Variants in IFNGR2 observed in about 807,000 individuals in gnomAD.
The protein encoded by IFNGR2 is interferon gamma receptor 2, also known as IFN-gamma receptor 2.
A neutral mutation model predicts 41.1 loss-of-function variants in IFNGR2; 15 were observed. The observed-to-expected ratio is 0.37, with a 90% CI of 0.24 to 0.56. The LOEUF is 0.56. Ranked by LOEUF, IFNGR2 falls within the 20% of genes least tolerant of loss-of-function variation. The pLI is 0.81. For missense variants in IFNGR2, 362 were observed against 415.7 expected, an observed-to-expected ratio of 0.87 and a Z score of 1.12; for synonymous variants, 161 against 171.6, an observed-to-expected ratio of 0.94 and a Z score of 0.48.
chr21:33,409,242 G>A (rs1487194958), intron 1 of IFNGR2, among the ~76,000 whole-genome samples: 1 of 152,048 alleles, frequency 6.6e-6, no homozygotes, highest in Non-Finnish European at 1.5e-5. Flanking sequence ...GCCAAGGCAG[G>A]CAGATCAGGA....
At chr21:33,411,358 C>G (rs1398212453) in intron 1 of IFNGR2, 1 of 449,574 alleles carries the variant, frequency 2.2e-6, no homozygotes, top group African/African-American at 2.0e-5. Flanking sequence ...TGCTTCCTTT[C>G]TGAACTGAAT....
At chr21:33,419,044 C>T (rs1254595980) in intron 2 of IFNGR2, among the ~76,000 whole-genome samples, 3 of 152,236 alleles carry the variant, frequency 2.0e-5, no homozygotes, top group East Asian at 3.9e-4. Context: ...AATAAAATAA[C>T]CTGTTGTTCT....
At chr21:33,429,511 G>A (rs533655182) in intron 4 of IFNGR2, among the ~76,000 whole-genome samples, 14 of 152,260 alleles carry the variant, frequency 9.2e-5, no homozygotes, top group African/African-American at 3.4e-4. Context: ...ATCGGCAAAG[G>A]GAAGAGGCAC....
chr21:33,432,622 A>C (rs1178403531), intron 5 of IFNGR2, 92 bp from the exon 6 acceptor site: 2 of 1,398,914 alleles, frequency 1.4e-6, no homozygotes, highest in African/African-American at 2.8e-5. Context: ...CTAGGACAGG[A>C]ATGCTCTTTA....
Position 33,421,531 on chromosome 21 carries a change from T to C in IFNGR2, c.258T>C (p.Cys86=). 1 of 1,614,124 alleles carries C rather than the reference T, an allele frequency of 6.2e-7. No individual in the cohort carries two copies. Among genetic ancestry groups the C allele is most frequent in the Non-Finnish European group, 8.5e-7 (1 of 1,180,014 alleles). ...ACATCATGTCCATAGGGGTGAATTG[T>C]ACACAGATCACAGCAACAGAGTGTG... is the stretch of plus-strand genomic sequence containing the variant. ...TADIMSIGVN[C]TQITATECDF... is the part of the protein sequence containing the mutation. The change falls in exon 3 of 7, where the codon TGT becomes TGC. Residue 86 remains cysteine (C), a synonymous_variant. Transcript: ENST00000290219.
chr21:33,420,080 A>G (rs566802355), intron 2 of IFNGR2, among the ~76,000 whole-genome samples: 36 of 152,294 alleles, frequency 2.4e-4, no homozygotes, highest in South Asian at 8.3e-4. Flanking sequence ...AGTAGTAGGT[A>G]TCTATGGCGG....
At chr21:33,413,392 A>C (rs1291441876) in intron 1 of IFNGR2, among the ~76,000 whole-genome samples, 1 of 152,170 alleles carries the variant, frequency 6.6e-6, no homozygotes, top group Non-Finnish European at 1.5e-5. Flanking sequence ...TCCTATAACT[A>C]AACAAATGGC....
At chr21:33,430,603 C>T (rs1411993171) in intron 4 of IFNGR2, among the ~76,000 whole-genome samples, 2 of 152,038 alleles carry the variant, frequency 1.3e-5, no homozygotes, top group Non-Finnish European at 2.9e-5. Flanking sequence ...ACCACCATGA[C>T]CAGCTTATTT....
At chr21:33,419,386 G>A (rs2083774887) in intron 2 of IFNGR2, among the ~76,000 whole-genome samples, 1 of 152,152 alleles carries the variant, frequency 6.6e-6, no homozygotes, top group Admixed American at 6.6e-5. Flanking sequence ...GGGATTACAG[G>A]TGTGAGCCAC....
At chr21:33,427,178 AT>A in intron 4 of IFNGR2, 146 bp downstream of exon 4, 1 of 773,580 alleles carries the variant, frequency 1.3e-6, no homozygotes, top group Non-Finnish European at 2.2e-6. Context: ...GCCTGTTTTC[AT>A]TGTCCTCTTC....
At chr21:33,405,766 C>T (rs548499630) in intron 1 of IFNGR2, among the ~76,000 whole-genome samples, 2 of 152,152 alleles carry the variant, frequency 1.3e-5, no homozygotes, top group East Asian at 1.9e-4. Flanking sequence ...CTCGGTGGCT[C>T]ACACCTGTAA....
chr21:33,419,414 C>G (rs1179528777), intron 2 of IFNGR2, among the ~76,000 whole-genome samples: 1 of 152,012 alleles, frequency 6.6e-6, no homozygotes, highest in African/African-American at 2.4e-5. Context: ...AGCCATTATT[C>G]TCATTTTAGA....
intron 4 of IFNGR2, among the ~76,000 whole-genome samples, chr21:33,428,135 A>C (rs2083855877): frequency 6.6e-6 from 1 of 151,698 alleles, no homozygotes; most frequent in African/African-American, 2.4e-5. Context: ...CAGAGCAGAG[A>C]TGCCTAGCTT....
chr21:33,421,187 C>G (rs1295080333), intron 2 of IFNGR2, among the ~76,000 whole-genome samples: 3 of 151,994 alleles, frequency 2.0e-5, no homozygotes, highest in African/African-American at 4.8e-5. Flanking sequence ...CAAAAATTAC[C>G]TGGGTGTGGT....
Position 33,428,648 on chromosome 21 carries a change from G to A in IFNGR2, c.561+1616G>A, listed in dbSNP as rs138457389. ...CATATCAGAGCTCAAGATCTGGGTC[G>A]ATTAGAATAGAGGGAGCCTGGCAGA... On this transcript the variant is annotated intron_variant, in intron 4 of 6. Transcript: ENST00000290219. Among the ~76,000 whole-genome samples the A allele has an allele frequency of 1.3e-3, 198 of 152,280 alleles. 1 individual carries two copies. Among genetic ancestry groups the A allele is most frequent in the Middle Eastern group, 3.4e-3 (1 of 294 alleles).
Position 33,432,346 on chromosome 21 carries a change from A to G in IFNGR2, c.721+10A>G. 6.2e-7 allele frequency: 1 copy of G among 1,610,930 alleles called. No individual in the cohort carries two copies. The highest frequency in any genetic ancestry group is 1.1e-5 in the South Asian group (1 of 91,030). On this transcript the variant is annotated intron_variant, in intron 5 of 6. Coordinates refer to ENST00000290219, the MANE Select transcript of IFNGR2 (RefSeq NM_005534.4). Reference sequence around the variant, plus strand: ...GAAACAATGGCAGATGGTAAAATATACCTTCTTATGTCCTTTCTGAACTGG... The same window carrying G: ...GAAACAATGGCAGATGGTAAAATATGCCTTCTTATGTCCTTTCTGAACTGG...
At chr21:33,407,495 C>T (rs550758560) in intron 1 of IFNGR2, among the ~76,000 whole-genome samples, 1 of 152,330 alleles carries the variant, frequency 6.6e-6, no homozygotes, top group Admixed American at 6.5e-5. Flanking sequence ...TTTTCTCAGC[C>T]ATTCTTTCGA....
intron 4 of IFNGR2, among the ~76,000 whole-genome samples, chr21:33,427,831 C>G (rs895273084): frequency 7.2e-6 from 1 of 139,552 alleles, no homozygotes; most frequent in African/African-American, 2.7e-5. Context: ...TTAGATACTT[C>G]ATCTCATTTC....
intron 3 of IFNGR2, among the ~76,000 whole-genome samples, chr21:33,423,892 A>C (rs17885944): frequency 0.23 from 34,471 of 151,192 alleles, 4,458 homozygotes; most frequent in Non-Finnish European, 0.3. Flanking sequence ...CAGAGAAGAC[A>C]GGGCAATCCT....
Sources: gnomAD v4.1 joint callset for allele counts (sites outside exome capture counted in the v4.1 genomes callset) on GRCh38, gnomAD v4.1.1 for gene constraint, MANE v1.5 for transcripts, NCBI Gene and HGNC (gene_info 2026-07-23, HGNC 2026-07-21) for gene names.